Variants in SLC24A2 observed in about 807,000 individuals in gnomAD.
The protein encoded by SLC24A2 is solute carrier family 24 member 2.
A neutral mutation model predicts 62.0 loss-of-function variants in SLC24A2; 36 were observed. The observed-to-expected ratio is 0.58, with a 90% CI of 0.44 to 0.77. The LOEUF is 0.77. SLC24A2 is among the 30% of genes least tolerant of loss of function. The probability of loss-of-function intolerance (pLI) is 0.00; values close to 1 mark genes in which losing one functional copy is unlikely to be tolerated. For synonymous variants in SLC24A2, 358 were observed against 294.0 expected (o/e 1.22, Z -2.23); for missense variants, 846 against 817.9 (o/e 1.03, Z -0.42).
chr9:20,063,941 G>A, the SLC24A2 span, among the ~76,000 whole-genome samples: 322 of 152,216 alleles, frequency 2.1e-3, no homozygotes, highest in Non-Finnish European at 3.6e-3. Context: ...AAAGTTACAC[G>A]TAAACTTACC....
the SLC24A2 span, among the ~76,000 whole-genome samples, chr9:19,864,677 G>A: frequency 6.6e-6 from 1 of 151,956 alleles, no homozygotes; most frequent in African/African-American, 2.4e-5. Flanking sequence ...GGGTATAGAA[G>A]GAACATATCT....
At chr9:19,708,520 AG>A in intron 2 of SLC24A2, among the ~76,000 whole-genome samples, 1 of 152,376 alleles carries the variant, frequency 6.6e-6, no homozygotes, top group Middle Eastern at 3.4e-3. Context: ...GCAAGGCTAC[AG>A]TAACCAAAAC....
chr9:20,138,727 A>G, the SLC24A2 span, among the ~76,000 whole-genome samples: 2,431 of 152,248 alleles, frequency 0.016, 28 homozygotes, highest in Admixed American at 0.025. Flanking sequence ...TTTATAAAAT[A>G]CCTTTTTCAG....
chr9:20,168,860 C>G, the SLC24A2 span, among the ~76,000 whole-genome samples: 2 of 151,908 alleles, frequency 1.3e-5, no homozygotes, highest in East Asian at 3.9e-4. Flanking sequence ...GTGTGTATCC[C>G]AAAACAATTG....
intron 2 of SLC24A2, among the ~76,000 whole-genome samples, chr9:19,697,481 G>A (rs190250710): frequency 1.3e-5 from 2 of 152,194 alleles, no homozygotes; most frequent in East Asian, 1.9e-4. Context: ...GCACTATTTT[G>A]TTCTAACCAG....
the SLC24A2 span, among the ~76,000 whole-genome samples, chr9:19,944,755 T>C: frequency 1.5e-5 from 1 of 64,602 alleles, no homozygotes; most frequent in Admixed American, 1.4e-4. Context: ...AGGCTGGAGG[T>C]GAATTGGAAC....
Position 19,624,452 on chromosome 9 carries a change from G to A in SLC24A2, c.931-2153C>T, listed in dbSNP as rs149543945. Among the ~76,000 whole-genome samples the A allele has an allele frequency of 4.7e-4, 72 of 152,208 alleles. No individual in the cohort carries two copies. The East Asian group carries it at 0.011, about 24-fold the overall frequency. ...AGGAAGGAAAAAAAAATCCAAACCTGTCTTTTGGTCTGAAAAGAAGAAAAA... is the reference window on the plus strand; with the variant it reads ...AGGAAGGAAAAAAAAATCCAAACCTATCTTTTGGTCTGAAAAGAAGAAAAA... On this transcript the variant is annotated intron_variant, in intron 2 of 10. Coordinates refer to ENST00000341998, the MANE Select transcript of SLC24A2 (RefSeq NM_020344.4).
At chr9:20,227,336 T>C in the SLC24A2 span, among the ~76,000 whole-genome samples, 1 of 152,158 alleles carries the variant, frequency 6.6e-6, no homozygotes, top group East Asian at 1.9e-4. Flanking sequence ...TTCAGAGCCA[T>C]GATCCTGTAC....
intron 2 of SLC24A2, among the ~76,000 whole-genome samples, chr9:19,718,718 C>T (rs1459120016): frequency 6.6e-6 from 1 of 152,064 alleles, no homozygotes; most frequent in East Asian, 1.9e-4. Flanking sequence ...GACTAGACCT[C>T]GACATGAATC....
chr9:20,266,983 G>C, the SLC24A2 span, among the ~76,000 whole-genome samples: 1 of 151,480 alleles, frequency 6.6e-6, no homozygotes, highest in Non-Finnish European at 1.5e-5. Context: ...TTGGGTAGCT[G>C]AGGCAGGAAC....
chr9:19,788,254 G>A (rs2118955270), intron 1 of SLC24A2, among the ~76,000 whole-genome samples: 1 of 152,302 alleles, frequency 6.6e-6, no homozygotes, highest in Non-Finnish European at 1.5e-5. Context: ...GGCTGCGAAC[G>A]TCAACGCTTA....
At chr9:19,629,310 T>C (rs1009179245) in intron 2 of SLC24A2, among the ~76,000 whole-genome samples, 3 of 152,148 alleles carry the variant, frequency 2.0e-5, no homozygotes, top group African/African-American at 7.2e-5. Context: ...TAGTAAAAAA[T>C]AGTTCACATA....
At chr9:20,085,022 G>T in the SLC24A2 span, among the ~76,000 whole-genome samples, 1 of 152,022 alleles carries the variant, frequency 6.6e-6, no homozygotes, top group Non-Finnish European at 1.5e-5. Flanking sequence ...TTGAGACAGG[G>T]TCTCACTCTG....
the SLC24A2 span, among the ~76,000 whole-genome samples, chr9:19,833,247 T>A: frequency 6.6e-6 from 1 of 152,082 alleles, no homozygotes; most frequent in Non-Finnish European, 1.5e-5. Context: ...GTGGGTGCAG[T>A]GCACTGTGTG....
chr9:20,107,382 G>T, the SLC24A2 span, among the ~76,000 whole-genome samples: 28 of 150,700 alleles, frequency 1.9e-4, no homozygotes, highest in African/African-American at 5.7e-4. Flanking sequence ...AGCCCACATT[G>T]CCAAGTCAAT....
chr9:20,149,639 A>G, the SLC24A2 span, among the ~76,000 whole-genome samples: 1 of 152,080 alleles, frequency 6.6e-6, no homozygotes, highest in Admixed American at 6.6e-5. Context: ...TATTTTATGG[A>G]CATATATTTG....
the SLC24A2 span, among the ~76,000 whole-genome samples, chr9:20,138,867 G>A: frequency 1.2e-4 from 19 of 152,226 alleles, no homozygotes; most frequent in African/African-American, 4.1e-4. Flanking sequence ...AAGTCATTTC[G>A]CTCCCAGGCG....
chr9:19,987,646 C>T, the SLC24A2 span, among the ~76,000 whole-genome samples: 3 of 152,170 alleles, frequency 2.0e-5, no homozygotes, highest in South Asian at 6.2e-4. Flanking sequence ...GTCTCCAATT[C>T]CAGATAATTA....
the SLC24A2 span, among the ~76,000 whole-genome samples, chr9:20,223,474 T>C: frequency 1.3e-5 from 2 of 152,080 alleles, no homozygotes; most frequent in African/African-American, 2.4e-5. Context: ...CCAACTGAAA[T>C]TTCCATGTAA....
Sources: allele counts gnomAD v4.1 joint callset (sites outside exome capture counted in the v4.1 genomes callset), GRCh38; gene constraint gnomAD v4.1.1; transcripts MANE v1.5; gene names NCBI Gene and HGNC (gene_info 2026-07-23, HGNC 2026-07-21).